Variants in CPSF7 observed in about 807,000 individuals in gnomAD.
CPSF7 encodes cleavage and polyadenylation specificity factor subunit 7.
CPSF7 carries 1 observed loss-of-function variant against 44.3 expected under a neutral mutation model. The ratio of observed to expected loss-of-function variants is 0.02; its 90% CI spans 0.01 to 0.11. The LOEUF (loss-of-function observed/expected upper bound fraction) is 0.11. Ranked by LOEUF, CPSF7 falls within the 10% of genes least tolerant of loss-of-function variation. The pLI, the probability that CPSF7 is intolerant of heterozygous loss-of-function variation, is 1.00. For missense variants in CPSF7, 443 were observed against 607.2 expected, an observed-to-expected ratio of 0.73 and a Z score of 2.84; for synonymous variants, 202 against 222.0, an observed-to-expected ratio of 0.91 and a Z score of 0.80.
At chr11:61,414,148 A>T (rs1317206731) in intron 7 of CPSF7, among the ~76,000 whole-genome samples, 8 of 132,646 alleles carry the variant, frequency 6.0e-5, no homozygotes, top group African/African-American at 8.5e-5. Flanking sequence ...AAAAAGACTA[A>T]TTTTTTTTTT....
chr11:61,404,059 G>GA lies in CPSF7; in HGVS notation c.*650dup, dbSNP rs1190496496. 1 of 152,654 alleles carries GA rather than the reference G, an allele frequency of 6.6e-6. No homozygotes were observed. Among genetic ancestry groups the GA allele is most frequent in the African/African-American group, 2.4e-5 (1 of 41,448 alleles). 9.5% of individuals were successfully genotyped at this position (152,654 alleles called of 1,614,324 possible). ...TGAGAAGGCTGGGCAGCGCAGAGTT[G>GA]AAAGAGTTCAGCCCTCTGGGAGGTC... On this transcript the variant is annotated 3_prime_UTR_variant, in exon 10 of 10. Transcript: ENST00000439958.
At chr11:61,420,193 G>C (rs1860735474) in intron 4 of CPSF7, 99 bp from the exon 5 acceptor site, 2 of 992,026 alleles carry the variant, frequency 2.0e-6, no homozygotes, top group Admixed American at 2.6e-5. Flanking sequence ...ATAAAGCAAA[G>C]GACATCTTGC....
At chr11:61,420,704 T>G (rs890794537) in intron 3 of CPSF7, 131 bp from the exon 4 acceptor site, 15 of 675,404 alleles carry the variant, frequency 2.2e-5, no homozygotes, top group Non-Finnish European at 3.6e-5. Flanking sequence ...AATATTTCAA[T>G]TAGTGCAGAC....
rs1432421838 is a variant in CPSF7, at chr11:61,420,452, C to T, written c.377+18G>A. On this transcript the variant is annotated intron_variant, in intron 4 of 9. Coordinates refer to ENST00000439958, the MANE Select transcript of CPSF7 (RefSeq NM_001142565.3). Reference sequence around the variant, plus strand: ...AATGGTTACAAATTAAAAGGGGCTTCTCAAATCCAGACCTCACCCTTTGGA... The same window carrying T: ...AATGGTTACAAATTAAAAGGGGCTTTTCAAATCCAGACCTCACCCTTTGGA... 3.1e-6 allele frequency: 5 copies of T among 1,594,410 alleles called. No homozygotes were observed. The highest frequency in any genetic ancestry group is 4.5e-5 in the East Asian group (2 of 44,770).
In CPSF7 at chr11:61,410,852, T is replaced by C. The variant is rs1282112184; in HGVS notation, c.*5+86A>G. ...TCCCCCTACCCTTGCTGCATTTACT[T>C]TTGCTTTAAAGAGAGAGAATTCTTC... On this transcript the variant is annotated intron_variant, in intron 9 of 9. Transcript: ENST00000439958. 5 of 1,383,766 alleles carry C rather than the reference T, an allele frequency of 3.6e-6. No individual in the cohort carries two copies. In the African/African-American group the frequency reaches 5.8e-5, roughly 16 times the overall value. 85.7% of individuals were successfully genotyped at this position (1,383,766 alleles called of 1,614,324 possible). A position where few individuals can be genotyped will look rare whatever the true frequency, so the allele number is the denominator to read the frequency against.
Position 61,414,737 on chromosome 11 carries a change from CTCT to C in CPSF7, c.1057+926_1057+928del, listed in dbSNP as rs1392067075. Among the ~76,000 whole-genome samples, 6 of 152,196 alleles carry C rather than the reference CTCT, an allele frequency of 3.9e-5. No individual in the cohort carries two copies. In the East Asian group the frequency reaches 1.2e-3, roughly 29 times the overall value. On this transcript the variant is annotated intron_variant, in intron 7 of 9. Coordinates refer to ENST00000439958, the MANE Select transcript of CPSF7 (RefSeq NM_001142565.3). ...CCAGAACTCTGAAACTTCCTGTAGCCTCTTCTTTTAGAAACTAAAGATCTTATG... is the reference window on the plus strand; with the variant it reads ...CCAGAACTCTGAAACTTCCTGTAGCCTCTTTTAGAAACTAAAGATCTTATG...
At chr11:61,429,732 C>T (rs1398364964) in intron 1 of CPSF7, 182 bp downstream of exon 1, 3 of 1,542,250 alleles carry the variant, frequency 1.9e-6, no homozygotes, top group Admixed American at 3.9e-5. Context: ...CCCAGCTAGG[C>T]CCGCCCCGCT....
intron 2 of CPSF7, among the ~76,000 whole-genome samples, chr11:61,428,639 T>C (rs913287377): frequency 6.6e-6 from 1 of 152,200 alleles, no homozygotes; most frequent in African/African-American, 2.4e-5. Context: ...CAATACAATT[T>C]ATTATACCAA....
At chr11:61,406,750 C>T (rs1254721537) in intron 9 of CPSF7, among the ~76,000 whole-genome samples, 2 of 152,134 alleles carry the variant, frequency 1.3e-5, no homozygotes, top group Non-Finnish European at 2.9e-5. Context: ...ATTTTTATTA[C>T]TATTTTTTTT....
At chr11:61,409,996 T>G (rs984335419) in intron 9 of CPSF7, among the ~76,000 whole-genome samples, 1 of 151,916 alleles carries the variant, frequency 6.6e-6, no homozygotes, top group African/African-American at 2.4e-5. Flanking sequence ...GGTTTCACTA[T>G]GTTGCTCAGG....
At chr11:61,404,810 A>G (rs1161853072) in intron 9 of CPSF7, 106 bp from the exon 10 acceptor site, 1 of 152,234 alleles carries the variant, frequency 6.6e-6, no homozygotes, top group Non-Finnish European at 1.5e-5. Flanking sequence ...CTACAACATA[A>G]GAAGTAAGGA....
chr11:61,429,258 G>A lies in CPSF7; in HGVS notation c.-23C>T, dbSNP rs781346610. 7 of 1,613,172 alleles carry A rather than the reference G, an allele frequency of 4.3e-6. No homozygotes were observed. In the Admixed American group the frequency reaches 5.0e-5, roughly 12 times the overall value. On this transcript the variant is annotated 5_prime_UTR_variant, in exon 2 of 10. Transcript: ENST00000439958. ...CATGGCTCCGGAAGGAAGATCGCGA[G>A]TCCGGAGGATGGACAAAGTAAGGAA... is the stretch of plus-strand genomic sequence containing the variant.
At chr11:61,419,109 G>A (rs1565111253) in intron 5 of CPSF7, among the ~76,000 whole-genome samples, 2 of 152,020 alleles carry the variant, frequency 1.3e-5, no homozygotes, top group Admixed American at 6.5e-5. Context: ...AGCAACCTCC[G>A]TCTCCCGGGG....
chr11:61,422,998 T>C (rs1861024904), intron 2 of CPSF7, among the ~76,000 whole-genome samples: 1 of 148,938 alleles, frequency 6.7e-6, no homozygotes, highest in African/African-American at 2.5e-5. Flanking sequence ...TTGGGCATGG[T>C]GGCACACATC....
chr11:61,410,919 G>A lies in CPSF7; in HGVS notation c.*5+19C>T. ...TAATAAAAAATCCCCCAGCAGCCAGGAACGGGGCTTCTCCCCACCTTTCTC... is the reference window on the plus strand; with the variant it reads ...TAATAAAAAATCCCCCAGCAGCCAGAAACGGGGCTTCTCCCCACCTTTCTC... On this transcript the variant is annotated intron_variant, in intron 9 of 9. Transcript: ENST00000439958. 6.4e-7 allele frequency: 1 copy of A among 1,556,214 alleles called. No individual in the cohort carries two copies. The highest frequency in any genetic ancestry group is 8.7e-7 in the Non-Finnish European group (1 of 1,155,088).
At chr11:61,411,184 A>C (rs922275166) in intron 8 of CPSF7, 79 bp from the exon 9 acceptor site, 39 of 1,421,108 alleles carry the variant, frequency 2.7e-5, no homozygotes, top group Non-Finnish European at 3.3e-5. Flanking sequence ...GTGTCTTCTG[A>C]TATTTGCCTA....
chr11:61,420,237 G>A, intron 4 of CPSF7, 143 bp from the exon 5 acceptor site: 1 of 729,748 alleles, frequency 1.4e-6, no homozygotes, highest in Non-Finnish European at 2.2e-6. Flanking sequence ...TAACAACAAA[G>A]AGACAGCCTA....
chr11:61,411,340 G>A lies in CPSF7; in HGVS notation c.1227-235C>T, dbSNP rs536693900. On this transcript the variant is annotated intron_variant, in intron 8 of 9. Coordinates refer to ENST00000439958, the MANE Select transcript of CPSF7 (RefSeq NM_001142565.3). Reference sequence around the variant, plus strand: ...GGTGTAGTGCTAATAATTTTGTATGGATTATCTGACCTAATCTTTACAACA... The same window carrying A: ...GGTGTAGTGCTAATAATTTTGTATGAATTATCTGACCTAATCTTTACAACA... 2.0e-4 allele frequency among the ~76,000 whole-genome samples: 31 copies of A among 152,244 alleles called. No homozygotes were observed. In the East Asian group the frequency reaches 3.9e-3, roughly 19 times the overall value.
chr11:61,429,547 A>G (rs955539546), intron 1 of CPSF7: 27 of 577,528 alleles, frequency 4.7e-5, no homozygotes, highest in Non-Finnish European at 5.8e-5. Flanking sequence ...GCGACGGAAA[A>G]GTCCCACCCT....
Sources: gnomAD v4.1 joint callset for allele counts (sites outside exome capture counted in the v4.1 genomes callset) on GRCh38, gnomAD v4.1.1 for gene constraint, MANE v1.5 for transcripts, NCBI Gene and HGNC (gene_info 2026-07-23, HGNC 2026-07-21) for gene names.